TRPC6: variants seen among roughly 807,000 people sequenced by gnomAD.
The protein encoded by TRPC6 is short transient receptor potential channel 6.
Under a neutral mutation model 90.7 loss-of-function variants are expected in TRPC6, and 55 were observed. That is an observed-to-expected ratio of 0.61 (90% CI 0.49 to 0.76). The LOEUF is 0.76. Among genes scored for constraint, TRPC6 ranks in the 30% least tolerant of loss-of-function variants. The pLI is 0.00. For synonymous variants in TRPC6, 393 were observed against 393.0 expected, an observed-to-expected ratio of 1.00 and a Z score of 0.00; for missense variants, 989 against 1,122.7, an observed-to-expected ratio of 0.88 and a Z score of 1.70.
intron 8 of TRPC6, 114 bp from the exon 9 acceptor site, chr11:101,471,500 C>G (rs1859291860): frequency 9.2e-7 from 1 of 1,081,494 alleles, no homozygotes; most frequent in Non-Finnish European, 1.4e-6. Flanking sequence ...TCTCAGACCC[C>G]AGTGATCGTT....
chr11:101,511,939 G>A (rs957415394), intron 1 of TRPC6, among the ~76,000 whole-genome samples: 1 of 152,082 alleles, frequency 6.6e-6, no homozygotes, highest in Non-Finnish European at 1.5e-5. Flanking sequence ...GTTGCAGTGA[G>A]CCGAGATCAC....
Position 101,452,644 on chromosome 11 carries a change from C to A in TRPC6, c.*311G>T. 2 of 301,558 alleles carry A rather than the reference C, an allele frequency of 6.6e-6. No individual in the cohort carries two copies. Among genetic ancestry groups the A allele is most frequent in the South Asian group, 4.0e-5 (1 of 25,264 alleles). The allele number at this position is 301,558 out of a possible 1,614,324, so 18.7% of individuals were successfully genotyped here. On this transcript the variant is annotated 3_prime_UTR_variant, in exon 13 of 13. Coordinates refer to ENST00000344327, the MANE Select transcript of TRPC6 (RefSeq NM_004621.6). ...GTGGGTCAGCCCCTGTCCGCTGGGACCCATTTTCAGGCAGACACTACATGG... is the reference window on the plus strand; with the variant it reads ...GTGGGTCAGCCCCTGTCCGCTGGGAACCATTTTCAGGCAGACACTACATGG...
chr11:101,461,923 C>T (rs1480385411), intron 10 of TRPC6, among the ~76,000 whole-genome samples: 1 of 152,142 alleles, frequency 6.6e-6, no homozygotes, highest in Non-Finnish European at 1.5e-5. Context: ...AAATATACTT[C>T]CTACCATGTT....
intron 1 of TRPC6, among the ~76,000 whole-genome samples, chr11:101,573,248 T>C (rs1408858417): frequency 6.6e-6 from 1 of 152,060 alleles, no homozygotes. Flanking sequence ...ATGCGAGTCA[T>C]TTTTTTACAG....
chr11:101,527,917 A>T (rs977329301), intron 1 of TRPC6, among the ~76,000 whole-genome samples: 5 of 151,604 alleles, frequency 3.3e-5, no homozygotes, highest in African/African-American at 1.2e-4. Flanking sequence ...ACTAAAAATT[A>T]AAAAAATTAG....
chr11:101,478,124 G>T (rs1208269120), intron 5 of TRPC6, among the ~76,000 whole-genome samples: 1 of 152,172 alleles, frequency 6.6e-6, no homozygotes, highest in Admixed American at 6.5e-5. Flanking sequence ...AACCTGCTAT[G>T]TGAATAGCTG....
intron 10 of TRPC6, among the ~76,000 whole-genome samples, chr11:101,460,815 G>A (rs889479280): frequency 6.6e-6 from 1 of 152,094 alleles, no homozygotes; most frequent in African/African-American, 2.4e-5. Flanking sequence ...TAAAAAAGAA[G>A]TCAGTTGCCT....
intron 1 of TRPC6, among the ~76,000 whole-genome samples, chr11:101,514,751 G>C (rs530665215): frequency 3.9e-4 from 60 of 152,270 alleles, no homozygotes; most frequent in African/African-American, 1.4e-3. Context: ...AAAACTCGGA[G>C]ACTGGAGTGC....
chr11:101,491,490 C>G (rs1007769303), intron 3 of TRPC6, 66 bp downstream of exon 3: 456 of 1,585,820 alleles, frequency 2.9e-4, no homozygotes, highest in Non-Finnish European at 3.8e-4. Flanking sequence ...CAATATCAAC[C>G]CTTTATCCTT....
At chr11:101,550,678 C>G (rs1244281007) in intron 1 of TRPC6, among the ~76,000 whole-genome samples, 1 of 151,490 alleles carries the variant, frequency 6.6e-6, no homozygotes, top group African/African-American at 2.4e-5. Context: ...TTTCCTAAGG[C>G]CTTTGTAGTC....
At chr11:101,490,993 A>G (rs1405498817) in intron 3 of TRPC6, among the ~76,000 whole-genome samples, 1 of 152,226 alleles carries the variant, frequency 6.6e-6, no homozygotes, top group Non-Finnish European at 1.5e-5. Flanking sequence ...TCATAAAGTC[A>G]TTGTTATATC....
chr11:101,515,741 C>A (rs1860501921), intron 1 of TRPC6, among the ~76,000 whole-genome samples: 1 of 151,988 alleles, frequency 6.6e-6, no homozygotes, highest in African/African-American at 2.4e-5. Flanking sequence ...TGAAATATAG[C>A]AATTTGATGG....
chr11:101,581,477 G>A (rs1862195088), intron 1 of TRPC6, among the ~76,000 whole-genome samples: 1 of 152,158 alleles, frequency 6.6e-6, no homozygotes, highest in Admixed American at 6.5e-5. Context: ...ACAGCGACAA[G>A]TGATTATATG....
At chr11:101,574,998 A>C (rs888296828) in intron 1 of TRPC6, among the ~76,000 whole-genome samples, 2 of 152,138 alleles carry the variant, frequency 1.3e-5, no homozygotes, top group African/African-American at 4.8e-5. Flanking sequence ...GGAAACATGA[A>C]CTCTGCTTTG....
chr11:101,458,955 T>C (rs1365419794), intron 10 of TRPC6, among the ~76,000 whole-genome samples: 1 of 152,194 alleles, frequency 6.6e-6, no homozygotes, highest in East Asian at 1.9e-4. Context: ...GAATGAACCA[T>C]GAGAGTTTTT....
intron 1 of TRPC6, among the ~76,000 whole-genome samples, chr11:101,512,571 T>C (rs893009347): frequency 2.0e-5 from 3 of 152,172 alleles, no homozygotes; most frequent in Non-Finnish European, 2.9e-5. Context: ...TGTCATGTCT[T>C]CCTACTTTGA....
chr11:101,473,520 T>C lies in TRPC6; in HGVS notation c.1998A>G (p.Glu666=), dbSNP rs1390654883. 2.5e-6 allele frequency: 4 copies of C among 1,613,354 alleles called. No individual in the cohort carries two copies. The highest frequency in any genetic ancestry group is 3.4e-6 in the Non-Finnish European group (4 of 1,179,542). Residue 666 remains glutamate, a synonymous_variant, in exon 7 of 13, where the codon GAA becomes GAG. Transcript: ENST00000344327. The part of the protein sequence containing the change: ...YSYYIGAKQN[E]AFTTVEESFK... ...CTGAGATCACATACGTTGTGAAGGC[T>C]TCATTTTGTTTTGCACCAATGTAGT...
intron 2 of TRPC6, among the ~76,000 whole-genome samples, chr11:101,495,521 G>A (rs1859920258): frequency 6.6e-6 from 1 of 151,174 alleles, no homozygotes; most frequent in African/African-American, 2.4e-5. Flanking sequence ...CCATGAATTA[G>A]TGTTGCTGTG....
chr11:101,512,468 C>T lies in TRPC6; in HGVS notation c.171-7670G>A, dbSNP rs1307836727. 5.9e-5 allele frequency among the ~76,000 whole-genome samples: 9 copies of T among 152,160 alleles called. No homozygotes were observed. The East Asian group carries it at 9.6e-4, about 16-fold the overall frequency. On this transcript the variant is annotated intron_variant, in intron 1 of 12. Coordinates refer to ENST00000344327, the MANE Select transcript of TRPC6 (RefSeq NM_004621.6). The stretch of plus-strand genomic sequence containing the variant: ...AGAGAATGAAATTGTGAGTAAATAA[C>T]GGAAGTTATAGGAACTTGCCTTTTT...
Sources: gnomAD v4.1 joint callset for allele counts (sites outside exome capture counted in the v4.1 genomes callset) on GRCh38, gnomAD v4.1.1 for gene constraint, MANE v1.5 for transcripts, NCBI Gene and HGNC (gene_info 2026-07-23, HGNC 2026-07-21) for gene names.